The following LRP1 variants were observed in gnomAD, a reference collection of about 807,000 sequenced individuals.
The protein encoded by LRP1 is LDL receptor related protein 1.
LRP1 carries 51 observed loss-of-function variants against 541.5 expected under a neutral mutation model. That is an observed-to-expected ratio of 0.09 (90% CI 0.08 to 0.12). The LOEUF is 0.12. Among genes scored for constraint, LRP1 ranks in the 10% least tolerant of loss-of-function variants. The probability of loss-of-function intolerance (pLI) is 1.00; values close to 1 mark genes in which losing one functional copy is unlikely to be tolerated. For synonymous variants in LRP1, 2,219 were observed against 2,470.8 expected, an observed-to-expected ratio of 0.90 and a Z score of 3.02; for missense variants, 3,878 against 6,376.2, an observed-to-expected ratio of 0.61 and a Z score of 13.34.
At chr12:57,207,242 C>CTAGA (rs375451982) in intron 76 of LRP1, among the ~76,000 whole-genome samples, 1 of 134,508 alleles carries the variant, frequency 7.4e-6, no homozygotes, top group Admixed American at 7.7e-5. Flanking sequence ...GACTCGGTCT[C>CTAGA]TAAATAAATA....
In LRP1 at chr12:57,211,279, G is replaced by T; in HGVS notation, c.13020G>T (p.Glu4340Asp). Reference protein sequence around the residue: ...CTAYFEGSRCEVNKCSRCLEG... With the variant: ...CTAYFEGSRCDVNKCSRCLEG... ...CCTACTTTGAGGGATCGAGGTGTGA[G>T]GTGAACAAGTGCAGCCGCTGTCTCG... The change falls in exon 84 of 89, where the codon GAG becomes GAT. Residue 4340 changes from glutamate to aspartate, a missense_variant. By Grantham distance (45) the Glu-to-Asp change is conservative. Transcript: ENST00000243077. This position sits in a 1 kb window ranked among gnomAD's most constrained non-coding sequence, Gnocchi z 4.3. 1 of 1,614,226 alleles carries T rather than the reference G, an allele frequency of 6.2e-7. No individual in the cohort carries two copies.
Position 57,193,941 on chromosome 12 carries a change from C to T in LRP1, c.7847C>T (p.Thr2616Ile), listed in dbSNP as rs1422549508. The change falls in exon 48 of 89, where the codon ACC becomes ATC. Residue 2616 changes from threonine (T) to isoleucine (I), a missense_variant. Physicochemically the swap from Thr to Ile is moderately conservative, Grantham distance 89. Transcript: ENST00000243077. Reference protein sequence around the residue: ...GVGEFRCRDGTCIGNSSRCNQ... With the variant: ...GVGEFRCRDGICIGNSSRCNQ... ...GGCGAGTTCCGCTGCCGGGACGGGA[C>T]CTGCATCGGGAACTCCAGCCGCTGC... The T allele has an allele frequency of 1.9e-6, 3 of 1,614,058 alleles. No homozygotes were observed. The highest frequency in any genetic ancestry group is 2.5e-6 in the Non-Finnish European group (3 of 1,180,042).
At chr12:57,195,809 C>A (rs754584933) in intron 53 of LRP1, 29 bp downstream of exon 53, 2 of 1,613,962 alleles carry the variant, frequency 1.2e-6, no homozygotes, top group South Asian at 1.1e-5. Flanking sequence ...TGGGAGGAGG[C>A]CCTGCCCTCT....
intron 76 of LRP1, 96 bp from the exon 77 acceptor site, chr12:57,207,942 C>G (rs2036820873): frequency 1.4e-6 from 2 of 1,384,800 alleles, no homozygotes; most frequent in Admixed American, 1.9e-5. Flanking sequence ...TGGCTGTGAG[C>G]CTGGGGTGAC....
Position 57,202,543 on chromosome 12 carries a change from T to TGGGCCCCCCCCCCCCC in LRP1, c.10711+6_10711+7insGGGCCCCCCCCCCCCC. 6.6e-7 allele frequency: 1 copy of TGGGCCCCCCCCCCCCC among 1,523,630 alleles called. No homozygotes were observed. Among genetic ancestry groups the TGGGCCCCCCCCCCCCC allele is most frequent in the Non-Finnish European group, 8.9e-7 (1 of 1,124,806 alleles). 94.4% of individuals were successfully genotyped at this position (1,523,630 alleles called of 1,614,324 possible). On this transcript the variant is annotated splice_region_variant and intron_variant, in intron 68 of 88. Coordinates refer to ENST00000243077, the MANE Select transcript of LRP1 (RefSeq NM_002332.3). ...CTCCGATGAAGAGAGCTGCAGTACG[T>TGGGCCCCCCCCCCCCC]CCCCACCCACCCAGCCCCGCATGAG... is the stretch of plus-strand genomic sequence containing the variant.
At position 57,128,637 on chromosome 12, in the gene LRP1, C is replaced by A; in HGVS notation, c.-328C>A. 1 of 403,086 alleles carries A rather than the reference C, an allele frequency of 2.5e-6. No individual in the cohort carries two copies. Among genetic ancestry groups the A allele is most frequent in the Non-Finnish European group, 4.4e-6 (1 of 228,294 alleles). 25.0% of individuals were successfully genotyped at this position (403,086 alleles called of 1,614,324 possible). A position where few individuals can be genotyped will look rare whatever the true frequency, so the allele number is the denominator to read the frequency against. On this transcript the variant is annotated 5_prime_UTR_variant, in exon 1 of 89. Coordinates refer to ENST00000243077, the MANE Select transcript of LRP1 (RefSeq NM_002332.3). ...CCCTCCCCGCCTCCTCCCAATTGTG[C>A]ATTTTTGCAGCCGGAGGCGGCTCCG...
rs1555180340 is a variant in LRP1, at chr12:57,141,477, C to T, written c.294C>T (p.Cys98=). The T allele has an allele frequency of 6.2e-7, 1 of 1,614,104 alleles. No homozygotes were observed. Among genetic ancestry groups the T allele is most frequent in the South Asian group, 1.1e-5 (1 of 91,080 alleles). Residue 98 remains cysteine (C), a synonymous_variant, in exon 3 of 89, where the codon TGC becomes TGT. Coordinates refer to ENST00000243077, the MANE Select transcript of LRP1 (RefSeq NM_002332.3). The part of the protein sequence containing the change: ...MSRLCNGVQD[C]MDGSDEGPHC... ...GCCTCTGCAATGGGGTCCAGGACTG[C>T]ATGGACGGCTCAGATGAGGGGCCCC...
Position 57,193,180 on chromosome 12 carries a change from G to A in LRP1, c.7560G>A (p.Val2520=), listed in dbSNP as rs1565745185. Residue 2520 remains valine, a synonymous_variant, in exon 46 of 89, where the codon GTG becomes GTA. Coordinates refer to ENST00000243077, the MANE Select transcript of LRP1 (RefSeq NM_002332.3). ...TCCCTCCACCTCCCTCCCCAGCGGTGAATTCCTCTTGCCGAGCACAAGATG... is the reference window on the plus strand; with the variant it reads ...TCCCTCCACCTCCCTCCCCAGCGGTAAATTCCTCTTGCCGAGCACAAGATG... ...ILQDDLTCRA[V]NSSCRAQDEF... is the part of the protein sequence containing the mutation. 1.2e-6 allele frequency: 2 copies of A among 1,613,974 alleles called. No individual in the cohort carries two copies. The highest frequency in any genetic ancestry group is 1.3e-5 in the African/African-American group (1 of 75,046).
intron 3 of LRP1, 41 bp from the exon 4 acceptor site, chr12:57,143,638 A>T: frequency 6.3e-7 from 1 of 1,593,720 alleles, no homozygotes; most frequent in Non-Finnish European, 8.6e-7. Flanking sequence ...GAGCTGCCAG[A>T]TCTGGCGGCC....
rs750943910 is a variant in LRP1, at chr12:57,156,962, C to T, written c.1561+42C>T. 6.1e-5 allele frequency: 93 copies of T among 1,517,640 alleles called. No individual in the cohort carries two copies. The highest frequency in any genetic ancestry group is 7.5e-5 in the Non-Finnish European group (85 of 1,126,744). 94.0% of individuals were successfully genotyped at this position (1,517,640 alleles called of 1,614,324 possible). A position where few individuals can be genotyped will look rare whatever the true frequency, so the allele number is the denominator to read the frequency against. The stretch of plus-strand genomic sequence containing the variant: ...GGGGTGTGTGCCCATTGGGAGGCTG[C>T]GGGAGGGTTCCTCAGGTGTCCCCCA... On this transcript the variant is annotated intron_variant, in intron 10 of 88. Transcript: ENST00000243077. The surrounding 1 kb of genome is among the most constrained non-coding windows in gnomAD (Gnocchi z 5.2).
intron 54 of LRP1, 28 bp downstream of exon 54, chr12:57,196,031 C>T (rs752729424): frequency 3.1e-6 from 5 of 1,611,304 alleles, no homozygotes; most frequent in Admixed American, 1.7e-5. Flanking sequence ...CTCCCCTCTG[C>T]CCCCTCCCCA....
chr12:57,149,992 GA>G, intron 6 of LRP1: 1 of 523,898 alleles, frequency 1.9e-6, no homozygotes, highest in Non-Finnish European at 3.4e-6. Flanking sequence ...AAGAGAGGGG[GA>G]AAATGATGTC....
Position 57,205,572 on chromosome 12 carries a change from C to T in LRP1, c.11485C>T (p.Leu3829=). The T allele has an allele frequency of 6.2e-7, 1 of 1,614,032 alleles. No homozygotes were observed. The highest frequency in any genetic ancestry group is 8.5e-7 in the Non-Finnish European group (1 of 1,180,032). ...GTAACCCTTAGACATCAACGAGTGC[C>T]TGCGCTTCGGCACCTGCTCCCAGCT... ...QPGCQDINEC[L]RFGTCSQLCN... Residue 3829 remains leucine, a synonymous_variant, in exon 75 of 89, where the codon CTG becomes TTG. Transcript: ENST00000243077. The surrounding 1 kb of genome is among the most constrained non-coding windows in gnomAD (Gnocchi z 4.6).
In LRP1 at chr12:57,203,375, G is replaced by A; in HGVS notation, c.10819-14G>A. The A allele has an allele frequency of 1.2e-6, 2 of 1,600,090 alleles. No homozygotes were observed. Among genetic ancestry groups the A allele is most frequent in the Non-Finnish European group, 1.7e-6 (2 of 1,170,672 alleles). On this transcript the variant is annotated splice_polypyrimidine_tract_variant and intron_variant, in intron 69 of 88. Transcript: ENST00000243077. The stretch of plus-strand genomic sequence containing the variant: ...TGCCGAGAGGTGACCGGCTGCCTGT[G>A]CCCATGCCCACAGAAAGACTGCACC...
intron 4 of LRP1, 137 bp downstream of exon 4, chr12:57,143,935 A>C (rs1592605854): frequency 7.1e-6 from 8 of 1,132,916 alleles, no homozygotes; most frequent in African/African-American, 1.6e-5. Context: ...GGGTGCCACC[A>C]CCCCAGGGCA....
At position 57,211,434 on chromosome 12, in the gene LRP1, T is replaced by C. The variant is rs35369590; in HGVS notation, c.13092-53T>C. On this transcript the variant is annotated intron_variant, in intron 84 of 88. Coordinates refer to ENST00000243077, the MANE Select transcript of LRP1 (RefSeq NM_002332.3). This position sits in a 1 kb window ranked among gnomAD's most constrained non-coding sequence, Gnocchi z 4.3. ...TGCCCTGCCCCTCCCTTCCTCAGCA[T>C]CCCAGGCACGCCTCTGCCAGCCCCA... The C allele has an allele frequency of 2.5e-6, 4 of 1,609,416 alleles. No individual in the cohort carries two copies. The highest frequency in any genetic ancestry group is 3.4e-6 in the Non-Finnish European group (4 of 1,178,230).
rs773462154 is a variant in LRP1 at position 57,178,312 on chromosome 12, G to T, written c.4362-47G>T. ...TGGGCACCTGGGCAGAGCTCTGAGGGCTGAGATCCCAGCTGGCATCCTCAT... is the reference window on the plus strand; with the variant it reads ...TGGGCACCTGGGCAGAGCTCTGAGGTCTGAGATCCCAGCTGGCATCCTCAT... On this transcript the variant is annotated intron_variant, in intron 26 of 88. Transcript: ENST00000243077. The surrounding 1 kb of genome is among the most constrained non-coding windows in gnomAD (Gnocchi z 5.8). 7.2e-5 allele frequency: 114 copies of T among 1,583,336 alleles called. No individual in the cohort carries two copies. In the Admixed American group the frequency reaches 1.6e-3, roughly 22 times the overall value.
chr12:57,144,717 C>T (rs2035363954), intron 4 of LRP1: 1 of 519,760 alleles, frequency 1.9e-6, no homozygotes, highest in Non-Finnish European at 3.5e-6. Context: ...ACCCCTGGCA[C>T]CTGACCCATA....
At position 57,183,275 on chromosome 12, in the gene LRP1, G is replaced by C; in HGVS notation, c.5663-104G>C. On this transcript the variant is annotated intron_variant, in intron 34 of 88. Transcript: ENST00000243077. The surrounding 1 kb of genome is among the most constrained non-coding windows in gnomAD (Gnocchi z 6.1). ...GTGGAGGATAGGGATGATGGTGGGG[G>C]GGGATGATATCAAAGGAGAAGCAGA... 8.1e-7 allele frequency: 1 copy of C among 1,242,214 alleles called. No homozygotes were observed. The highest frequency in any genetic ancestry group is 1.4e-5 in the South Asian group (1 of 72,888). 76.9% of individuals were successfully genotyped at this position (1,242,214 alleles called of 1,614,324 possible). A position where few individuals can be genotyped will look rare whatever the true frequency, so the allele number is the denominator to read the frequency against.
Sources: gnomAD v4.1 joint callset for allele counts (sites outside exome capture counted in the v4.1 genomes callset) on GRCh38, gnomAD v4.1.1 for gene constraint, Gnocchi (gnomAD v3.1) non-coding constraint, MANE v1.5 for transcripts, NCBI Gene and HGNC (gene_info 2026-07-23, HGNC 2026-07-21) for gene names.